The following TRIM49 variants were observed in gnomAD, a reference collection of about 807,000 sequenced individuals.
The protein encoded by TRIM49 is tripartite motif containing 49.
A neutral mutation model predicts 27.4 loss-of-function variants in TRIM49; 5 were observed. That is an observed-to-expected ratio of 0.18 (90% CI 0.10 to 0.38). The LOEUF (loss-of-function observed/expected upper bound fraction) is 0.38. Ranked by LOEUF, TRIM49 falls within the 10% of genes least tolerant of loss-of-function variation. The probability of loss-of-function intolerance (pLI) is 1.00; values close to 1 mark genes in which losing one functional copy is unlikely to be tolerated. For missense variants in TRIM49, 188 were observed against 487.5 expected (o/e 0.39, Z 5.79); for synonymous variants, 69 against 166.0 (o/e 0.42, Z 4.49).
the TRIM49 span, among the ~76,000 whole-genome samples, chr11:89,785,350 A>G: frequency 6.9e-6 from 1 of 144,196 alleles, no homozygotes; most frequent in Non-Finnish European, 1.5e-5. Flanking sequence ...GAAGGAGAAC[A>G]TACTTAACAT....
chr11:89,784,905 A>G, the TRIM49 span, among the ~76,000 whole-genome samples: 3 of 147,992 alleles, frequency 2.0e-5, no homozygotes, highest in Non-Finnish European at 3.0e-5. Flanking sequence ...ATCTTATTGT[A>G]TTGATTCTCC....
intron 6 of TRIM49, among the ~76,000 whole-genome samples, chr11:89,800,465 C>G (rs1156304314): frequency 6.6e-6 from 1 of 151,576 alleles, no homozygotes; most frequent in African/African-American, 2.4e-5. Flanking sequence ...AATCAGGGGC[C>G]GGGCGCGGTG....
intron 6 of TRIM49, among the ~76,000 whole-genome samples, chr11:89,800,041 T>C (rs1382979601): frequency 2.0e-5 from 3 of 149,614 alleles, no homozygotes; most frequent in Non-Finnish European, 4.4e-5. Flanking sequence ...TTTTTTTTGC[T>C]CCAAATGTGT....
intron 1 of TRIM49, among the ~76,000 whole-genome samples, chr11:89,808,215 T>C (rs1949801482): frequency 8.6e-6 from 1 of 115,742 alleles, no homozygotes; most frequent in African/African-American, 5.2e-5. Context: ...TGAAAATTAT[T>C]TTTTTTAAAA....
chr11:89,804,603 T>G, intron 2 of TRIM49, 130 bp from the exon 3 acceptor site: 1 of 1,124,718 alleles, frequency 8.9e-7, no homozygotes, highest in Non-Finnish European at 1.2e-6. Context: ...AACTATTTCT[T>G]CTGTTACAAA....
chr11:89,797,490 G>T (rs1487149108), downstream of TRIM49, among the ~76,000 whole-genome samples: 1 of 145,736 alleles, frequency 6.9e-6, no homozygotes, highest in Non-Finnish European at 1.5e-5. Flanking sequence ...TGTGTTTTGA[G>T]GTAGGAGTCA....
At chr11:89,800,818 C>G (rs567477731) in intron 6 of TRIM49, 148 bp downstream of exon 6, 96 of 582,562 alleles carry the variant, frequency 1.6e-4, no homozygotes, top group Non-Finnish European at 1.6e-4. Flanking sequence ...TACTTCGTGG[C>G]CTTGTCTTTT....
chr11:89,774,317 C>T, the TRIM49 span, among the ~76,000 whole-genome samples: 1 of 151,028 alleles, frequency 6.6e-6, no homozygotes, highest in East Asian at 1.9e-4. Flanking sequence ...TAAAATATTG[C>T]TTTGAATAAA....
chr11:89,808,440 A>T lies in TRIM49; in HGVS notation c.-194T>A, dbSNP rs1214841236. 1.3e-5 allele frequency: 2 copies of T among 150,454 alleles called. 1 individual carries two copies. Among genetic ancestry groups the T allele is most frequent in the Non-Finnish European group, 2.9e-5 (2 of 67,932 alleles). The allele number at this position is 150,454 out of a possible 1,614,324, so 9.3% of individuals were successfully genotyped here. On this transcript the variant is annotated 5_prime_UTR_variant, in exon 1 of 8. It adds an upstream start codon to the 5' untranslated region. Coordinates refer to ENST00000329758, the MANE Select transcript of TRIM49 (RefSeq NM_020358.2). Reference sequence around the variant, plus strand: ...TAAGTGCAAAGACTTGACTTACCCAATTGTGGGAGCTGCTTAAGCAAATGT... The same window carrying T: ...TAAGTGCAAAGACTTGACTTACCCATTTGTGGGAGCTGCTTAAGCAAATGT...
At chr11:89,767,871 A>G in the TRIM49 span, among the ~76,000 whole-genome samples, 34 of 136,790 alleles carry the variant, frequency 2.5e-4, 1 homozygote, top group African/African-American at 1.1e-3. Flanking sequence ...AAACGTCCTG[A>G]ATTAATTCAG....
chr11:89,804,617 A>T, intron 2 of TRIM49, 144 bp from the exon 3 acceptor site: 2 of 1,217,648 alleles, frequency 1.6e-6, no homozygotes, highest in Non-Finnish European at 1.1e-6. Context: ...TTACAAACTT[A>T]AAAATTTACA....
At chr11:89,796,664 A>G (rs1255007476), downstream of TRIM49, among the ~76,000 whole-genome samples, 2 of 148,764 alleles carry the variant, frequency 1.3e-5, no homozygotes, top group African/African-American at 5.0e-5. Flanking sequence ...TATACATGGA[A>G]AAGTCTTTTC....
At chr11:89,800,514 C>A (rs1013948715) in intron 6 of TRIM49, among the ~76,000 whole-genome samples, 2 of 151,278 alleles carry the variant, frequency 1.3e-5, no homozygotes, top group East Asian at 1.9e-4. Context: ...GAGGCCGAGG[C>A]GGGCGGATCA....
At chr11:89,802,599 A>C (rs1343429426) in intron 4 of TRIM49, among the ~76,000 whole-genome samples, 1 of 151,036 alleles carries the variant, frequency 6.6e-6, no homozygotes, top group African/African-American at 2.5e-5. Context: ...ACATACATAC[A>C]TACATACATA....
chr11:89,768,722 T>C, the TRIM49 span: 1 of 471,302 alleles, frequency 2.1e-6, no homozygotes, highest in Non-Finnish European at 4.2e-6. Context: ...ATTATGGTGT[T>C]AGTAAATTAT....
chr11:89,795,901 A>G (rs1417924377), downstream of TRIM49, among the ~76,000 whole-genome samples: 1 of 151,874 alleles, frequency 6.6e-6, no homozygotes, highest in East Asian at 2.0e-4. Context: ...AAAAAATCAA[A>G]CTTTCCAGAG....
At chr11:89,794,398 A>G (rs1331302454), downstream of TRIM49, among the ~76,000 whole-genome samples, 5 of 147,160 alleles carry the variant, frequency 3.4e-5, no homozygotes, top group Non-Finnish European at 7.6e-5. Context: ...TTTAAAGTTC[A>G]TGTGGAACCA....
rs1369745314 is a variant in TRIM49, at chr11:89,798,569, C to T, written c.920G>A (p.Arg307Lys). Reference sequence around the variant, plus strand: ...ATGGTCACATCCAATACACATGCTTCTCAAAATTTCATACAGAAAGATATC... The same window carrying T: ...ATGGTCACATCCAATACACATGCTTTTCAAAATTTCATACAGAAAGATATC... ...NNDIFLYEILRSMCIGCDHQD... is the reference protein window; with the variant it reads ...NNDIFLYEILKSMCIGCDHQD... The change falls in exon 8 of 8, where the codon AGA (arginine) becomes AAA (lysine). Residue 307 changes from arginine (R) to lysine (K), a missense_variant. Transcript: ENST00000329758. 1.9e-5 allele frequency: 30 copies of T among 1,551,058 alleles called. 5 individuals carry two copies. Among genetic ancestry groups the T allele is most frequent in the Non-Finnish European group, 2.6e-5 (30 of 1,157,040 alleles).
the TRIM49 span, chr11:89,767,075 T>A: frequency 8.3e-6 from 4 of 482,826 alleles, no homozygotes; most frequent in Non-Finnish European, 1.4e-5. Context: ...AAATTTCCAC[T>A]GTAGAAAAAA....
Sources: gnomAD v4.1 joint callset for allele counts (sites outside exome capture counted in the v4.1 genomes callset) on GRCh38, gnomAD v4.1.1 for gene constraint, MANE v1.5 for transcripts, NCBI Gene and HGNC (gene_info 2026-07-23, HGNC 2026-07-21) for gene names.